PHACTR1: variants seen among roughly 807,000 people sequenced by gnomAD.
PHACTR1 encodes the protein RPEL repeat containing 1.
A neutral mutation model predicts 69.2 loss-of-function variants in PHACTR1; 16 were observed. The ratio of observed to expected loss-of-function variants is 0.23; its 90% CI spans 0.16 to 0.35. The LOEUF is 0.35. PHACTR1 is among the 10% of genes least tolerant of loss of function. The probability of loss-of-function intolerance (pLI) is 1.00; values close to 1 mark genes in which losing one functional copy is unlikely to be tolerated. For synonymous variants in PHACTR1, 312 were observed against 284.5 expected, an observed-to-expected ratio of 1.10 and a Z score of -0.97; for missense variants, 510 against 734.7, an observed-to-expected ratio of 0.69 and a Z score of 3.54.
At chr6:13,082,701 A>G (rs999402630) in intron 5 of PHACTR1, among the ~76,000 whole-genome samples, 1 of 152,220 alleles carries the variant, frequency 6.6e-6, no homozygotes, top group African/African-American at 2.4e-5. Context: ...ATGGCCAGTG[A>G]TGATGAGCAT....
chr6:13,149,617 T>G (rs1287347332), intron 5 of PHACTR1, among the ~76,000 whole-genome samples: 2 of 152,150 alleles, frequency 1.3e-5, no homozygotes, highest in African/African-American at 4.8e-5. Flanking sequence ...ACGTCGACTC[T>G]GCTAAAGTTC....
chr6:12,945,520 A>G (rs970132321), intron 4 of PHACTR1, among the ~76,000 whole-genome samples: 4 of 152,258 alleles, frequency 2.6e-5, no homozygotes, highest in African/African-American at 9.6e-5. Flanking sequence ...TGAGTGAAGA[A>G]GATTTGAATA....
chr6:12,916,573 G>A (rs1327492053), intron 4 of PHACTR1, among the ~76,000 whole-genome samples: 1 of 144,646 alleles, frequency 6.9e-6, no homozygotes, highest in African/African-American at 2.6e-5. Flanking sequence ...TTTATCCCCA[G>A]CACCTAGTAC....
In PHACTR1 at chr6:13,230,998, A is replaced by AGC. The variant is rs1554167331; in HGVS notation, c.1391+806_1391+807insCG. Reference sequence around the variant, plus strand: ...GCCACTGCACTCCAGCCCAGGTGACAGAGAGAGAGAGAGAGAGAAGGAAAG... The same window carrying AGC: ...GCCACTGCACTCCAGCCCAGGTGACAGCGAGAGAGAGAGAGAGAGAAGGAAAG... On this transcript the variant is annotated intron_variant, in intron 10 of 14. Coordinates refer to ENST00000332995, the MANE Select transcript of PHACTR1 (RefSeq NM_030948.6). Among the ~76,000 whole-genome samples the AGC allele has an allele frequency of 5.6e-5, 2 of 35,848 alleles. 1 individual carries two copies. Among genetic ancestry groups the AGC allele is most frequent in the Admixed American group, 1.1e-3 (2 of 1,854 alleles). 23.5% of individuals were successfully genotyped at this position (35,848 alleles called of 152,430 possible). A position where few individuals can be genotyped will look rare whatever the true frequency, so the allele number is the denominator to read the frequency against.
chr6:12,786,961 T>C (rs1050934108), intron 4 of PHACTR1, among the ~76,000 whole-genome samples: 2 of 152,216 alleles, frequency 1.3e-5, no homozygotes, highest in Non-Finnish European at 2.9e-5. Flanking sequence ...AAGTTTTGTA[T>C]AAATTCAGAG....
chr6:13,058,170 C>G (rs1435237472), intron 5 of PHACTR1, among the ~76,000 whole-genome samples: 1 of 152,152 alleles, frequency 6.6e-6, no homozygotes, highest in African/African-American at 2.4e-5. Flanking sequence ...GATAACATCC[C>G]CTCTGAAATA....
At chr6:13,067,555 G>A (rs1808846177) in intron 5 of PHACTR1, among the ~76,000 whole-genome samples, 1 of 152,220 alleles carries the variant, frequency 6.6e-6, no homozygotes, top group African/African-American at 2.4e-5. Flanking sequence ...AAGTCAAGGT[G>A]TAGCATACTC....
At chr6:12,748,631 G>T (rs527463309) in intron 3 of PHACTR1, among the ~76,000 whole-genome samples, 1 of 152,226 alleles carries the variant, frequency 6.6e-6, no homozygotes, top group Admixed American at 6.5e-5. Flanking sequence ...GGTTGCAGGG[G>T]GCAGTGCAGG....
rs151122557 is a variant in PHACTR1, at chr6:13,175,185, G to A, written c.497-7334G>A. On this transcript the variant is annotated intron_variant, in intron 6 of 14. Transcript: ENST00000332995. ...CAGAAATTCATTCATTTACTTTCTA[G>A]TTCTTGCTGTAATAGGTCTAAACCG... Among the ~76,000 whole-genome samples the A allele has an allele frequency of 7.2e-3, 1,093 of 152,320 alleles. 13 individuals are homozygous for A. The highest frequency in any genetic ancestry group is 0.025 in the African/African-American group (1,019 of 41,576).
chr6:12,846,673 G>A (rs1779296849), intron 4 of PHACTR1, among the ~76,000 whole-genome samples: 1 of 150,298 alleles, frequency 6.7e-6, no homozygotes, highest in African/African-American at 2.4e-5. Context: ...AGGAATTTTG[G>A]AAATATAGGA....
chr6:12,739,076 G>A (rs532854783), intron 3 of PHACTR1, among the ~76,000 whole-genome samples: 2 of 148,420 alleles, frequency 1.3e-5, no homozygotes, highest in East Asian at 4.9e-4. Context: ...TTCAAACTGA[G>A]TGCTGCGACA....
intron 4 of PHACTR1, among the ~76,000 whole-genome samples, chr6:12,898,003 T>C (rs1451920821): frequency 6.6e-6 from 1 of 152,140 alleles, no homozygotes; most frequent in Non-Finnish European, 1.5e-5. Context: ...CTGAGAATAA[T>C]GGTTTCCAGC....
In PHACTR1 at chr6:13,165,634, C is replaced by T. The variant is rs114101867; in HGVS notation, c.496+5350C>T. ...AGCAGGATAAGGAAATAAAGTCAAG[C>T]GAAGGGGGAGGGGGTTGTGATTTTA... On this transcript the variant is annotated intron_variant, in intron 6 of 14. Coordinates refer to ENST00000332995, the MANE Select transcript of PHACTR1 (RefSeq NM_030948.6). Among the ~76,000 whole-genome samples, 365 of 152,086 alleles carry T rather than the reference C, an allele frequency of 2.4e-3. 3 individuals are homozygous for T. Among genetic ancestry groups the T allele is most frequent in the African/African-American group, 8.3e-3 (346 of 41,466 alleles).
At chr6:12,749,598 C>T (rs755601058) in intron 3 of PHACTR1, 46 bp from the exon 4 acceptor site, 5 of 1,437,866 alleles carry the variant, frequency 3.5e-6, no homozygotes, top group Non-Finnish European at 4.7e-6. Context: ...CCCCTCCTCC[C>T]CCTTCCGCCT....
intron 3 of PHACTR1, among the ~76,000 whole-genome samples, chr6:12,725,616 G>A (rs181719638): frequency 1.6e-3 from 249 of 152,258 alleles, no homozygotes; most frequent in Non-Finnish European, 2.5e-3. Flanking sequence ...CTCTGAATCC[G>A]CAGGAGACTT....
intron 4 of PHACTR1, among the ~76,000 whole-genome samples, chr6:13,014,119 G>T (rs987889018): frequency 6.6e-6 from 1 of 152,110 alleles, no homozygotes; most frequent in Non-Finnish European, 1.5e-5. Flanking sequence ...AACTGCAGTC[G>T]GGGGGAGGAC....
intron 3 of PHACTR1, among the ~76,000 whole-genome samples, chr6:12,723,167 G>T (rs937182784): frequency 2.0e-5 from 3 of 152,116 alleles, no homozygotes; most frequent in Non-Finnish European, 4.4e-5. Context: ...AACAGACCCT[G>T]GGAGGGCCAG....
intron 4 of PHACTR1, among the ~76,000 whole-genome samples, chr6:12,928,123 A>C (rs1480054062): frequency 6.6e-6 from 1 of 152,174 alleles, no homozygotes; most frequent in Non-Finnish European, 1.5e-5. Flanking sequence ...CAGGGTGATC[A>C]TGCCAGTCCC....
intron 4 of PHACTR1, among the ~76,000 whole-genome samples, chr6:12,928,765 A>G (rs1298457388): frequency 6.6e-6 from 1 of 152,150 alleles, no homozygotes. Flanking sequence ...GGCAAGGCAG[A>G]TAGGTGGACA....
Sources: gnomAD v4.1 joint callset for allele counts (sites outside exome capture counted in the v4.1 genomes callset) on GRCh38, gnomAD v4.1.1 for gene constraint, MANE v1.5 for transcripts, NCBI Gene and HGNC (gene_info 2026-07-23, HGNC 2026-07-21) for gene names.